The following SEMA3F variants were observed in gnomAD, a reference collection of about 807,000 sequenced individuals.
SEMA3F encodes semaphorin-3F.
In SEMA3F, 30 loss-of-function variants were observed where a neutral mutation model predicts 98.5. The observed-to-expected ratio is 0.30, with a 90% CI of 0.23 to 0.41. The LOEUF is 0.41. Among genes scored for constraint, SEMA3F ranks in the 10% least tolerant of loss-of-function variants. SEMA3F has a pLI of 1.00. For missense variants in SEMA3F, 866 were observed against 1,119.3 expected (o/e 0.77, Z 3.23); for synonymous variants, 380 against 444.8 (o/e 0.85, Z 1.83).
chr3:50,176,198 C>A (rs1698803611), intron 6 of SEMA3F, among the ~76,000 whole-genome samples: 1 of 151,930 alleles, frequency 6.6e-6, no homozygotes, highest in South Asian at 2.1e-4. Flanking sequence ...TGCTGAGGGA[C>A]AGGAGAAAGG....
intron 6 of SEMA3F, among the ~76,000 whole-genome samples, chr3:50,175,469 T>C (rs935045551): frequency 6.6e-6 from 1 of 152,254 alleles, no homozygotes; most frequent in Non-Finnish European, 1.5e-5. Flanking sequence ...TCAGAAAGCA[T>C]GTGTGTAGAC....
At chr3:50,157,219 GC>G (rs1698020171) in intron 1 of SEMA3F, among the ~76,000 whole-genome samples, 1 of 151,918 alleles carries the variant, frequency 6.6e-6, no homozygotes, top group Admixed American at 6.6e-5. Flanking sequence ...TGGCCACCTG[GC>G]CCCCTGTCCC....
chr3:50,166,278 G>A lies in SEMA3F; in HGVS notation c.112+6544G>A, dbSNP rs3774743. 5.3e-5 allele frequency among the ~76,000 whole-genome samples: 8 copies of A among 152,256 alleles called. No individual in the cohort carries two copies. The East Asian group carries it at 1.2e-3, about 22-fold the overall frequency. On this transcript the variant is annotated intron_variant, in intron 2 of 18. Coordinates refer to ENST00000002829, the MANE Select transcript of SEMA3F (RefSeq NM_004186.5). The surrounding 1 kb of genome is among the most constrained non-coding windows in gnomAD (Gnocchi z 4.7). ...TCCCCCGGCCAGAGTCCACTGCCTC[G>A]TGTGTCTGCTGTTCAGCCAGCACGG... is the stretch of plus-strand genomic sequence containing the variant.
chr3:50,159,756 C>T lies in SEMA3F; in HGVS notation c.112+22C>T, dbSNP rs747135246. On this transcript the variant is annotated intron_variant, in intron 2 of 18. Coordinates refer to ENST00000002829, the MANE Select transcript of SEMA3F (RefSeq NM_004186.5). The stretch of plus-strand genomic sequence containing the variant: ...AAAGGTAAGAAGCTGTTTTGTTCTT[C>T]CCCAGAAATCATCCTCTCTTTACAA... 6.8e-6 allele frequency: 10 copies of T among 1,474,608 alleles called. No homozygotes were observed. In the Admixed American group the frequency reaches 1.7e-4, roughly 25 times the overall value. 91.3% of individuals were successfully genotyped at this position (1,474,608 alleles called of 1,614,324 possible). A position where few individuals can be genotyped will look rare whatever the true frequency, so the allele number is the denominator to read the frequency against.
rs1487249573 is a variant in SEMA3F, at chr3:50,188,012, A to T, written c.2255A>T (p.His752Leu). The T allele has an allele frequency of 2.5e-6, 4 of 1,602,566 alleles. No individual in the cohort carries two copies. In the African/African-American group the frequency reaches 4.0e-5, roughly 16 times the overall value. ...IHQYCQGYWR[H>L]VPPSPREAPG... is the part of the protein sequence containing the mutation. ...CAGTACTGCCAGGGTTACTGGCGCC[A>T]TGTGCCCCCCAGCCCCAGGGAGGCT... Residue 752 changes from histidine (H) to leucine (L), a missense_variant, in exon 19 of 19, where the codon CAT (histidine) becomes CTT (leucine). Transcript: ENST00000002829. The surrounding 1 kb of genome is among the most constrained non-coding windows in gnomAD (Gnocchi z 4.5).
In SEMA3F at chr3:50,183,275, C is replaced by A; in HGVS notation, c.1088+20C>A. ...CTCTGGGTGAGGCTGGGGTCAGGGC[C>A]AGCAGTGGCAGGGAGTGGCCCCGTT... On this transcript the variant is annotated intron_variant, in intron 11 of 18. Coordinates refer to ENST00000002829, the MANE Select transcript of SEMA3F (RefSeq NM_004186.5). 1 of 1,613,082 alleles carries A rather than the reference C, an allele frequency of 6.2e-7. No homozygotes were observed. Among genetic ancestry groups the A allele is most frequent in the Non-Finnish European group, 8.5e-7 (1 of 1,179,180 alleles).
chr3:50,172,219 A>G (rs1318180327), intron 2 of SEMA3F, among the ~76,000 whole-genome samples: 3 of 152,172 alleles, frequency 2.0e-5, no homozygotes, highest in Non-Finnish European at 4.4e-5. Flanking sequence ...GTGGTAGGAC[A>G]TGTGTGCGCC....
At chr3:50,180,103 T>C (rs1698963374) in intron 7 of SEMA3F, among the ~76,000 whole-genome samples, 1 of 152,232 alleles carries the variant, frequency 6.6e-6, no homozygotes, top group Non-Finnish European at 1.5e-5. Context: ...GCTTTCAACA[T>C]GCTTTCCGTA....
In SEMA3F at chr3:50,155,474, C is replaced by G. The variant is rs1180073553; in HGVS notation, c.-139C>G. On this transcript the variant is annotated 5_prime_UTR_variant, in exon 1 of 19. Transcript: ENST00000002829. This position sits in a 1 kb window ranked among gnomAD's most constrained non-coding sequence, Gnocchi z 4.9. ...AGAGGTCGCGGGCAGGGCCATGGCC[C>G]CGGGGGGCCGCTAGCGCGGACCGGC... 3.2e-6 allele frequency: 1 copy of G among 308,676 alleles called. No individual in the cohort carries two copies. Among genetic ancestry groups the G allele is most frequent in the African/African-American group, 2.2e-5 (1 of 45,358 alleles). The allele number at this position is 308,676 out of a possible 1,614,324, so 19.1% of individuals were successfully genotyped here. A position where few individuals can be genotyped will look rare whatever the true frequency, so the allele number is the denominator to read the frequency against.
chr3:50,174,294 G>T lies in SEMA3F; in HGVS notation c.400G>T (p.Gly134Trp). 6.2e-7 allele frequency: 1 copy of T among 1,613,484 alleles called. No homozygotes were observed. The highest frequency in any genetic ancestry group is 1.1e-5 in the South Asian group (1 of 91,090). The change falls in exon 5 of 19, where the codon GGG becomes TGG. Residue 134 changes from glycine (G) to tryptophan (W), a missense_variant. Around this residue, in one of 3 missense-constraint regions of SEMA3F, gnomAD observed 247 missense variants for 276.0 expected, o/e 0.89. Coordinates refer to ENST00000002829, the MANE Select transcript of SEMA3F (RefSeq NM_004186.5). ...PWNRTHLYVC[G>W]TGAYNPMCTY... is the part of the protein sequence containing the mutation. ...GAACCGAACACACCTGTATGTGTGCGGGACAGGTGCCTACAACCCCATGTG... is the reference window on the plus strand; with the variant it reads ...GAACCGAACACACCTGTATGTGTGCTGGACAGGTGCCTACAACCCCATGTG...
chr3:50,173,929 C>A lies in SEMA3F; in HGVS notation c.249C>A (p.His83Gln), dbSNP rs758053222. ...ACTACGTGCTGTCCCTGGACCTGCA[C>A]GACATCAACCGCGAGCCCCTCATTG... ...SKDYVLSLDL[H>Q]DINREPLIIH... is the part of the protein sequence containing the mutation. The change falls in exon 3 of 19, where the codon CAC becomes CAA. Residue 83 changes from histidine (H) to glutamine (Q), a missense_variant. Coordinates refer to ENST00000002829, the MANE Select transcript of SEMA3F (RefSeq NM_004186.5). 3.1e-6 allele frequency: 5 copies of A among 1,614,114 alleles called. No homozygotes were observed. Among genetic ancestry groups the A allele is most frequent in the Non-Finnish European group, 4.2e-6 (5 of 1,180,032 alleles).
chr3:50,161,871 G>A (rs1461238491), intron 2 of SEMA3F, among the ~76,000 whole-genome samples: 1 of 152,196 alleles, frequency 6.6e-6, no homozygotes, highest in African/African-American at 2.4e-5. Flanking sequence ...ATGCACACAT[G>A]AAGTGGCCCT....
intron 13 of SEMA3F, 52 bp from the exon 14 acceptor site, chr3:50,185,391 C>A: frequency 2.1e-6 from 3 of 1,459,342 alleles, no homozygotes; most frequent in Non-Finnish European, 2.8e-6. Context: ...GAGGCTGGTA[C>A]CCCTTCCCCA....
chr3:50,185,341 A>G (rs1302818376), intron 13 of SEMA3F, 102 bp from the exon 14 acceptor site: 2 of 1,079,638 alleles, frequency 1.9e-6, no homozygotes, highest in East Asian at 2.6e-5. Flanking sequence ...TCCAGCTCCA[A>G]TGCCCTAGGG....
rs1698706617 is a variant in SEMA3F at position 50,173,936 on chromosome 3, A to G, written c.256A>G (p.Asn86Asp). The G allele has an allele frequency of 6.2e-7, 1 of 1,613,944 alleles. No homozygotes were observed. Among genetic ancestry groups the G allele is most frequent in the African/African-American group, 1.3e-5 (1 of 74,910 alleles). ...YVLSLDLHDI[N>D]REPLIIHWAA... ...GCTGTCCCTGGACCTGCACGACATCAACCGCGAGCCCCTCATTGTAAGGGC... is the reference window on the plus strand; with the variant it reads ...GCTGTCCCTGGACCTGCACGACATCGACCGCGAGCCCCTCATTGTAAGGGC... Residue 86 changes from asparagine (N) to aspartate (D), a missense_variant, in exon 3 of 19, where the codon AAC (asparagine) becomes GAC (aspartate). This residue lies in a region of SEMA3F where 247 missense variants were observed against 276.0 expected (regional missense o/e 0.89). Transcript: ENST00000002829.
intron 12 of SEMA3F, chr3:50,184,230 G>A (rs528841195): frequency 1.7e-5 from 5 of 294,556 alleles, no homozygotes; most frequent in East Asian, 1.7e-4. Flanking sequence ...CAAGGACGTC[G>A]GGGCCTGCAG....
rs1249024068 is a variant in SEMA3F, at chr3:50,189,063, C to T, written c.*948C>T. Reference sequence around the variant, plus strand: ...GTTCCATCTTGCTAATAAACACTGGCTCTGGGACTAGACTTTGGCTTCTCT... The same window carrying T: ...GTTCCATCTTGCTAATAAACACTGGTTCTGGGACTAGACTTTGGCTTCTCT... On this transcript the variant is annotated 3_prime_UTR_variant, in exon 19 of 19. Coordinates refer to ENST00000002829, the MANE Select transcript of SEMA3F (RefSeq NM_004186.5). The T allele has an allele frequency of 6.6e-6, 1 of 152,192 alleles. No homozygotes were observed. The highest frequency in any genetic ancestry group is 2.4e-5 in the African/African-American group (1 of 41,426). The allele number at this position is 152,192 out of a possible 1,614,324, so 9.4% of individuals were successfully genotyped here.
chr3:50,159,879 G>A (rs1040087578), intron 2 of SEMA3F, 145 bp downstream of exon 2: 8 of 639,298 alleles, frequency 1.3e-5, no homozygotes, highest in Middle Eastern at 2.4e-4. Context: ...AAGGGAGACC[G>A]GGGAGGTGGT....
chr3:50,174,105 G>C lies in SEMA3F; in HGVS notation c.327G>C (p.Lys109Asn). 1.2e-6 allele frequency: 2 copies of C among 1,614,156 alleles called. No individual in the cohort carries two copies. Among genetic ancestry groups the C allele is most frequent in the Non-Finnish European group, 1.7e-6 (2 of 1,180,028 alleles). ...QRIEECVLSGKDVNGECGNFV... is the reference protein window; with the variant it reads ...QRIEECVLSGNDVNGECGNFV... The stretch of plus-strand genomic sequence containing the variant: ...TCGAGGAATGCGTGCTCTCAGGCAA[G>C]GATGTCAACGTGAGTTTGGTGGGAT... The change falls in exon 4 of 19, where the codon AAG becomes AAC. Residue 109 changes from lysine (K) to asparagine (N), a missense_variant. By Grantham distance (94) the Lys-to-Asn change is moderately conservative. This residue lies in a region of SEMA3F where 247 missense variants were observed against 276.0 expected (regional missense o/e 0.89). Coordinates refer to ENST00000002829, the MANE Select transcript of SEMA3F (RefSeq NM_004186.5).
Sources: gnomAD v4.1 joint callset for allele counts (sites outside exome capture counted in the v4.1 genomes callset) on GRCh38, gnomAD v4.1.1 for gene constraint, gnomAD v4.1.1 regional missense constraint, Gnocchi (gnomAD v3.1) non-coding constraint, MANE v1.5 for transcripts, NCBI Gene and HGNC (gene_info 2026-07-23, HGNC 2026-07-21) for gene names.